Variants in ANKS1A observed in about 807,000 individuals in gnomAD.
The protein encoded by ANKS1A is ankyrin repeat and SAM domain-containing protein 1A.
Under a neutral mutation model 120.3 loss-of-function variants are expected in ANKS1A, and 55 were observed. That is an observed-to-expected ratio of 0.46 (90% CI 0.37 to 0.57). The LOEUF is 0.57. Among genes scored for constraint, ANKS1A ranks in the 20% least tolerant of loss-of-function variants. The probability of loss-of-function intolerance (pLI) is 0.00; values close to 1 mark genes in which losing one functional copy is unlikely to be tolerated. For missense variants in ANKS1A, 1,123 were observed against 1,480.3 expected (o/e 0.76, Z 3.96); for synonymous variants, 590 against 604.7 (o/e 0.98, Z 0.36).
At chr6:34,894,915 G>A (rs1018263428) in intron 1 of ANKS1A, among the ~76,000 whole-genome samples, 19 of 152,140 alleles carry the variant, frequency 1.2e-4, no homozygotes, top group African/African-American at 4.1e-4. Context: ...AGACTTGCTG[G>A]AGAATCTGAA....
Position 35,006,598 on chromosome 6 carries a change from C to T in ANKS1A, c.1424-10875C>T, listed in dbSNP as rs1036404660. Among the ~76,000 whole-genome samples, 4 of 151,640 alleles carry T rather than the reference C, an allele frequency of 2.6e-5. No homozygotes were observed. In the East Asian group the frequency reaches 7.8e-4, roughly 30 times the overall value. On this transcript the variant is annotated intron_variant, in intron 10 of 23. Transcript: ENST00000360359. ...TGAAACCCTGTCTCTACTAAAAATACAAAAAATTTAGCTGGGCATGGTAAT... is the reference window on the plus strand; with the variant it reads ...TGAAACCCTGTCTCTACTAAAAATATAAAAAATTTAGCTGGGCATGGTAAT...
chr6:35,083,216 C>G lies in ANKS1A; in HGVS notation c.2897C>G (p.Ala966Gly). ...RGTESTQDAC[A>G]KMRKSTEHMK... The stretch of plus-strand genomic sequence containing the variant: ...ACAGAATCCACGCAAGACGCCTGTG[C>G]CAAGATGCGGGTAGGGTGCCTGTGT... The change falls in exon 19 of 24, where the codon GCC becomes GGC. Residue 966 changes from alanine to glycine, a missense_variant. Physicochemically the swap from Ala to Gly is moderately conservative, Grantham distance 60. Transcript: ENST00000360359. The G allele has an allele frequency of 6.2e-7, 1 of 1,614,110 alleles. No individual in the cohort carries two copies. The highest frequency in any genetic ancestry group is 8.5e-7 in the Non-Finnish European group (1 of 1,180,026).
At chr6:34,993,616 C>G (rs1390645486) in intron 9 of ANKS1A, among the ~76,000 whole-genome samples, 2 of 152,172 alleles carry the variant, frequency 1.3e-5, no homozygotes, top group Non-Finnish European at 2.9e-5. Context: ...TTCCCAATAA[C>G]CCTCAGGACC....
In ANKS1A at chr6:34,998,720, C is replaced by T. The variant is rs538453743; in HGVS notation, c.1423+4298C>T. 7.9e-5 allele frequency among the ~76,000 whole-genome samples: 12 copies of T among 152,290 alleles called. No homozygotes were observed. In the East Asian group the frequency reaches 2.3e-3, roughly 29 times the overall value. On this transcript the variant is annotated intron_variant, in intron 10 of 23. Transcript: ENST00000360359. ...GCCCTTAAAAGGGACAGGAATTGCT[C>T]ACTCGGGGAGCTCGGATTTTAAGAC...
In ANKS1A at chr6:34,982,932, A is replaced by G. The variant is rs1024939484; in HGVS notation, c.808+105A>G. The G allele has an allele frequency of 2.2e-6, 3 of 1,379,960 alleles. No homozygotes were observed. Among genetic ancestry groups the G allele is most frequent in the South Asian group, 1.2e-5 (1 of 85,438 alleles). 85.5% of individuals were successfully genotyped at this position (1,379,960 alleles called of 1,614,324 possible). A position where few individuals can be genotyped will look rare whatever the true frequency, so the allele number is the denominator to read the frequency against. ...TGCTGGCTGTGTTTGAACTCAATGTATGTGTATCTCCACTGGTTGATTACA... is the reference window on the plus strand; with the variant it reads ...TGCTGGCTGTGTTTGAACTCAATGTGTGTGTATCTCCACTGGTTGATTACA... On this transcript the variant is annotated intron_variant, in intron 5 of 23. Coordinates refer to ENST00000360359, the MANE Select transcript of ANKS1A (RefSeq NM_015245.3). The surrounding 1 kb of genome is among the most constrained non-coding windows in gnomAD (Gnocchi z 4.9).
chr6:34,981,898 A>T lies in ANKS1A; in HGVS notation c.644A>T (p.Lys215Met). ...HPNLLSCNTK[K>M]HTPLHLAARN... is the part of the protein sequence containing the mutation. Reference sequence around the variant, plus strand: ...AACCTCCTGAGCTGCAACACTAAGAAGCACACCCCTCTGCACTTGGCAGCA... The same window carrying T: ...AACCTCCTGAGCTGCAACACTAAGATGCACACCCCTCTGCACTTGGCAGCA... Residue 215 changes from lysine (K) to methionine (M), a missense_variant, in exon 4 of 24, where the codon AAG (lysine) becomes ATG (methionine). Around this residue, in one of 3 missense-constraint regions of ANKS1A, gnomAD observed 146 missense variants for 267.8 expected, o/e 0.55. Coordinates refer to ENST00000360359, the MANE Select transcript of ANKS1A (RefSeq NM_015245.3). The T allele has an allele frequency of 6.2e-7, 1 of 1,614,148 alleles. No individual in the cohort carries two copies. The highest frequency in any genetic ancestry group is 8.5e-7 in the Non-Finnish European group (1 of 1,180,020).
chr6:34,916,901 T>C (rs1209475293), intron 1 of ANKS1A, among the ~76,000 whole-genome samples: 2 of 152,232 alleles, frequency 1.3e-5, no homozygotes, highest in Non-Finnish European at 2.9e-5. Context: ...CAGACACCGC[T>C]ACTTGTTCTT....
intron 1 of ANKS1A, among the ~76,000 whole-genome samples, chr6:34,942,370 T>G (rs1395469706): frequency 6.6e-6 from 1 of 152,238 alleles, no homozygotes; most frequent in African/African-American, 2.4e-5. Context: ...CAGTACTCAC[T>G]TGAGTTTAAG....
rs773043412 is a variant in ANKS1A, at chr6:35,078,629, G to C, written c.2256G>C (p.Leu752=). 3.7e-6 allele frequency: 6 copies of C among 1,604,250 alleles called. No homozygotes were observed. The highest frequency in any genetic ancestry group is 5.1e-6 in the Non-Finnish European group (6 of 1,179,880). ...GISDPQHRRK[L]LQAARSLPKV... ...GCGACCCACAGCACCGGCGGAAGCT[G>C]CTCCAGGCGGCACGCTCCCTACCCA... is the stretch of plus-strand genomic sequence containing the variant. Residue 752 remains leucine (L), a synonymous_variant, in exon 14 of 24, where the codon CTG becomes CTC. Coordinates refer to ENST00000360359, the MANE Select transcript of ANKS1A (RefSeq NM_015245.3).
intron 3 of ANKS1A, among the ~76,000 whole-genome samples, chr6:34,978,569 G>A (rs951773138): frequency 1.3e-5 from 2 of 152,086 alleles, no homozygotes; most frequent in African/African-American, 4.8e-5. Flanking sequence ...ACTTTGGGAG[G>A]CCGAGGCGGG....
intron 1 of ANKS1A, among the ~76,000 whole-genome samples, chr6:34,938,221 C>T (rs773212636): frequency 3.1e-4 from 47 of 152,192 alleles, no homozygotes; most frequent in Non-Finnish European, 6.3e-4. Context: ...GAATTTCAGG[C>T]ATCAAGCAAA....
chr6:35,097,259 A>C, the ANKS1A span, among the ~76,000 whole-genome samples: 14 of 24,466 alleles, frequency 5.7e-4, no homozygotes, highest in Non-Finnish European at 9.9e-5. Flanking sequence ...GTTTAATCCC[A>C]GCACTTTGGG....
intron 1 of ANKS1A, among the ~76,000 whole-genome samples, chr6:34,916,797 T>G (rs1309343202): frequency 1.3e-5 from 2 of 152,182 alleles, no homozygotes; most frequent in African/African-American, 4.8e-5. Flanking sequence ...ATAACCACAT[T>G]GTTGGATTAC....
At chr6:35,043,092 T>G (rs1775548758) in intron 11 of ANKS1A, among the ~76,000 whole-genome samples, 1 of 152,140 alleles carries the variant, frequency 6.6e-6, no homozygotes, top group Non-Finnish European at 1.5e-5. Flanking sequence ...AGGAGGACTG[T>G]GTTGGGGAGA....
intron 1 of ANKS1A, among the ~76,000 whole-genome samples, chr6:34,955,210 C>A (rs1203133262): frequency 6.6e-6 from 1 of 151,568 alleles, no homozygotes; most frequent in African/African-American, 2.4e-5. Context: ...GATCTTGGCT[C>A]ACTGTGACCT....
intron 1 of ANKS1A, among the ~76,000 whole-genome samples, chr6:34,941,775 A>G (rs912507814): frequency 6.6e-6 from 1 of 152,150 alleles, no homozygotes; most frequent in Non-Finnish European, 1.5e-5. Flanking sequence ...CTTTAAAGAC[A>G]TTTCAGGGAT....
chr6:34,969,079 C>T (rs1193309410), intron 2 of ANKS1A, among the ~76,000 whole-genome samples: 2 of 152,056 alleles, frequency 1.3e-5, no homozygotes, highest in African/African-American at 4.8e-5. Context: ...AGTTCATTTC[C>T]AGATGCTGTT....
At chr6:34,970,315 C>T (rs1302048495) in intron 3 of ANKS1A, 149 bp downstream of exon 3, 1 of 850,818 alleles carries the variant, frequency 1.2e-6, no homozygotes, top group Non-Finnish European at 1.7e-6. Flanking sequence ...CATGGAACCA[C>T]CTCTTCCATA....
chr6:35,008,154 A>C (rs2127550405), intron 10 of ANKS1A, among the ~76,000 whole-genome samples: 1 of 152,354 alleles, frequency 6.6e-6, no homozygotes, highest in Middle Eastern at 3.4e-3. Flanking sequence ...TTCCAAAGGG[A>C]AAACATATCA....
Sources: gnomAD v4.1 joint callset for allele counts (sites outside exome capture counted in the v4.1 genomes callset) on GRCh38, gnomAD v4.1.1 for gene constraint, gnomAD v4.1.1 regional missense constraint, Gnocchi (gnomAD v3.1) non-coding constraint, MANE v1.5 for transcripts, NCBI Gene and HGNC (gene_info 2026-07-23, HGNC 2026-07-21) for gene names.